ERAP2: variants seen among roughly 807,000 people sequenced by gnomAD.
The protein encoded by ERAP2 is leukocyte-derived arginine aminopeptidase.
ERAP2 carries 118 observed loss-of-function variants against 111.1 expected under a neutral mutation model. The observed-to-expected ratio is 1.06, with a 90% CI of 0.92 to 1.24. The LOEUF is 1.24. ERAP2 is among the 50% of genes most tolerant of loss of function. The probability of loss-of-function intolerance (pLI) is 0.00; values close to 1 mark genes in which losing one functional copy is unlikely to be tolerated. For missense variants in ERAP2, 1,131 were observed against 1,125.8 expected (o/e 1.00, Z -0.07); for synonymous variants, 410 against 401.2 (o/e 1.02, Z -0.26).
At chr5:96,892,591 C>T (rs112054091) in intron 6 of ERAP2, 138 bp downstream of exon 6, 34 of 908,572 alleles carry the variant, frequency 3.7e-5, no homozygotes, top group Middle Eastern at 3.1e-4. Context: ...CCTAACACAA[C>T]GTCAAGTAGC....
intron 4 of ERAP2, among the ~76,000 whole-genome samples, chr5:96,888,164 A>AAG (rs10666477): frequency 0.55 from 82,443 of 149,574 alleles, 22,630 homozygotes; most frequent in Admixed American, 0.6. Context: ...AAAAGAAAAA[A>AAG]AAAGAAAAAT....
chr5:96,916,048 C>A (rs1787338671), intron 18 of ERAP2, among the ~76,000 whole-genome samples: 1 of 151,996 alleles, frequency 6.6e-6, no homozygotes, highest in Non-Finnish European at 1.5e-5. Context: ...TGGTGAAACC[C>A]TGTCTCTAAT....
intron 18 of ERAP2, 151 bp from the exon 19 acceptor site, chr5:96,917,311 G>T: frequency 1.9e-6 from 1 of 533,550 alleles, no homozygotes; most frequent in Admixed American, 3.7e-5. Context: ...GTAGAGTCAG[G>T]GGTTCTGGCA....
chr5:96,901,474 T>C (rs976809953), intron 10 of ERAP2, 32 bp from the exon 11 acceptor site: 6 of 1,608,430 alleles, frequency 3.7e-6, no homozygotes, highest in Non-Finnish European at 4.3e-6. Context: ...GTCTCCTCTC[T>C]CTTGAGTTAT....
rs773839192 is a variant in ERAP2 at position 96,896,418 on chromosome 5, T to G, written c.1285T>G (p.Ser429Ala). The G allele has an allele frequency of 2.5e-6, 4 of 1,612,418 alleles. No homozygotes were observed. In the South Asian group the frequency reaches 3.3e-5, roughly 13 times the overall value. ...NVCFEVITKD[S>A]LNSSRPISKP... ...GTGTTTTGAAGTAATTACAAAAGAT[T>G]CATTGAATTCATCCCGCCCTATCTC... The change falls in exon 8 of 19, where the codon TCA becomes GCA. Residue 429 changes from serine (S) to alanine (A), a missense_variant. This residue lies in a region of ERAP2 where 847 missense variants were observed against 856.5 expected (regional missense o/e 0.99). Transcript: ENST00000437043.
chr5:96,879,585 T>C lies in ERAP2; in HGVS notation c.-101T>C. On this transcript the variant is annotated 5_prime_UTR_variant, in exon 2 of 19. Transcript: ENST00000437043. ...CTAGATTAAATTCATGTATTGAAAA[T>C]ATTGTTCAGACCCCATGTGACATAA... The C allele has an allele frequency of 1.2e-6, 1 of 828,456 alleles. No homozygotes were observed. 51.3% of individuals were successfully genotyped at this position (828,456 alleles called of 1,614,324 possible). A position where few individuals can be genotyped will look rare whatever the true frequency, so the allele number is the denominator to read the frequency against.
chr5:96,896,899 T>G (rs1784935063), intron 9 of ERAP2, 36 bp downstream of exon 9: 2 of 1,531,994 alleles, frequency 1.3e-6, no homozygotes, highest in Non-Finnish European at 1.7e-6. Context: ...GACTGTTATT[T>G]AATCTAGAAA....
At chr5:96,904,600 G>A (rs1213738457) in intron 13 of ERAP2, among the ~76,000 whole-genome samples, 1 of 152,196 alleles carries the variant, frequency 6.6e-6, no homozygotes, top group Non-Finnish European at 1.5e-5. Flanking sequence ...ATGAGTGAAT[G>A]CATGAAAGGT....
chr5:96,887,236 T>C (rs990567095), intron 4 of ERAP2, among the ~76,000 whole-genome samples: 5 of 151,758 alleles, frequency 3.3e-5, no homozygotes, highest in African/African-American at 1.2e-4. Context: ...ATATTAATAA[T>C]TGCATGGAGG....
At chr5:96,895,129 A>G in intron 6 of ERAP2, 117 bp from the exon 7 acceptor site, 1 of 614,132 alleles carries the variant, frequency 1.6e-6, no homozygotes, top group Non-Finnish European at 2.8e-6. Flanking sequence ...AAGGGTAGCA[A>G]AGAGAGAAGA....
At position 96,916,407 on chromosome 5, in the gene ERAP2, C is replaced by T. The variant is rs189978292; in HGVS notation, c.2739+638C>T. ...GAGTGATTATATTAAAGTTTGGAAGCGTACTTAATGATCTTTTTAACAAAA... is the reference window on the plus strand; with the variant it reads ...GAGTGATTATATTAAAGTTTGGAAGTGTACTTAATGATCTTTTTAACAAAA... On this transcript the variant is annotated intron_variant, in intron 18 of 18. Coordinates refer to ENST00000437043, the MANE Select transcript of ERAP2 (RefSeq NM_022350.5). Among the ~76,000 whole-genome samples, 139 of 149,918 alleles carry T rather than the reference C, an allele frequency of 9.3e-4. 1 individual carries two copies. The highest frequency in any genetic ancestry group is 2.7e-3 in the African/African-American group (112 of 40,820).
chr5:96,915,167 C>A (rs1030413013), intron 17 of ERAP2, among the ~76,000 whole-genome samples: 1 of 151,960 alleles, frequency 6.6e-6, no homozygotes, highest in Admixed American at 6.6e-5. Flanking sequence ...ACCACCATGC[C>A]CAGCTAATTT....
intron 2 of ERAP2, chr5:96,881,429 T>A: frequency 2.2e-6 from 1 of 456,240 alleles, no homozygotes; most frequent in Non-Finnish European, 4.4e-6. Flanking sequence ...GAATCAAGGA[T>A]GCTTCATAGA....
intron 1 of ERAP2, among the ~76,000 whole-genome samples, chr5:96,878,228 T>TAA (rs3840524): frequency 6.6e-6 from 1 of 151,840 alleles, no homozygotes; most frequent in Admixed American, 6.6e-5. Context: ...AACCGAACCT[T>TAA]AAAAAAATTC....
At chr5:96,899,687 T>C (rs1785247917) in intron 9 of ERAP2, among the ~76,000 whole-genome samples, 1 of 152,222 alleles carries the variant, frequency 6.6e-6, no homozygotes, top group Admixed American at 6.5e-5. Flanking sequence ...ACAAAGGTGT[T>C]TCCCCTACTG....
intron 14 of ERAP2, 105 bp downstream of exon 14, chr5:96,909,222 A>C (rs1561395103): frequency 9.2e-7 from 1 of 1,082,856 alleles, no homozygotes; most frequent in East Asian, 2.5e-5. Flanking sequence ...AATCTGGAGC[A>C]GCTCGGGGGA....
At chr5:96,885,254 G>T (rs988369330) in intron 3 of ERAP2, among the ~76,000 whole-genome samples, 14 of 152,104 alleles carry the variant, frequency 9.2e-5, no homozygotes, top group African/African-American at 3.4e-4. Flanking sequence ...TGCTGAGTTT[G>T]GTCAGAAGAC....
At position 96,883,778 on chromosome 5, in the gene ERAP2, G is replaced by A; in HGVS notation, c.576-14G>A. 6.2e-7 allele frequency: 1 copy of A among 1,606,590 alleles called. No individual in the cohort carries two copies. Among genetic ancestry groups the A allele is most frequent in the Non-Finnish European group, 8.5e-7 (1 of 1,177,090 alleles). On this transcript the variant is annotated splice_polypyrimidine_tract_variant and intron_variant, in intron 2 of 18. Coordinates refer to ENST00000437043, the MANE Select transcript of ERAP2 (RefSeq NM_022350.5). ...TCACTTGTGCATTTTGGCTGGGGGT[G>A]GGTCTTTTCACAGAATTCTTGCAGT...
intron 9 of ERAP2, among the ~76,000 whole-genome samples, chr5:96,897,855 G>A (rs144509165): frequency 6.6e-6 from 1 of 152,174 alleles, no homozygotes; most frequent in East Asian, 1.9e-4. Flanking sequence ...TGTGTCCCAG[G>A]GACAGTAATA....
Sources: allele counts gnomAD v4.1 joint callset (sites outside exome capture counted in the v4.1 genomes callset), GRCh38; gene constraint gnomAD v4.1.1; regional missense constraint gnomAD v4.1.1; transcripts MANE v1.5; gene names NCBI Gene and HGNC (gene_info 2026-07-23, HGNC 2026-07-21).